The following RAD54L2 variants were observed in gnomAD, a reference collection of about 807,000 sequenced individuals.
The protein encoded by RAD54L2 is RAD54 like 2.
RAD54L2 carries 27 observed loss-of-function variants against 138.4 expected under a neutral mutation model. That is an observed-to-expected ratio of 0.20 (90% CI 0.14 to 0.27). The LOEUF (loss-of-function observed/expected upper bound fraction) is 0.27, where lower values mean the gene tolerates loss of function less well. Among genes scored for constraint, RAD54L2 ranks in the 10% least tolerant of loss-of-function variants. The probability of loss-of-function intolerance (pLI) is 1.00; values close to 1 mark genes in which losing one functional copy is unlikely to be tolerated. For synonymous variants in RAD54L2, 644 were observed against 723.2 expected, an observed-to-expected ratio of 0.89 and a Z score of 1.76; for missense variants, 1,396 against 1,890.2, an observed-to-expected ratio of 0.74 and a Z score of 4.85.
intron 2 of RAD54L2, among the ~76,000 whole-genome samples, chr3:51,570,126 C>A (rs574956102): frequency 2.7e-4 from 41 of 151,120 alleles, no homozygotes; most frequent in African/African-American, 9.0e-4. Context: ...AGCCACTGTG[C>A]CCAGCCTTTT....
At chr3:51,626,704 C>G (rs180920130) in intron 3 of RAD54L2, among the ~76,000 whole-genome samples, 1 of 152,076 alleles carries the variant, frequency 6.6e-6, no homozygotes, top group Admixed American at 6.6e-5. Context: ...CTCAGCCTAT[C>G]AAAGAGTTGG....
At chr3:51,588,731 A>G (rs892184406) in intron 2 of RAD54L2, among the ~76,000 whole-genome samples, 2 of 152,106 alleles carry the variant, frequency 1.3e-5, no homozygotes, top group Admixed American at 6.6e-5. Flanking sequence ...TAGTAAAGTG[A>G]TAAGAGAGAC....
In RAD54L2 at chr3:51,588,185, C is replaced by CAA. The variant is rs987919898; in HGVS notation, c.-54-2156_-54-2155dup. On this transcript the variant is annotated intron_variant, in intron 2 of 22. Coordinates refer to ENST00000684192, the MANE Select transcript of RAD54L2 (RefSeq NM_015106.4). ...TGGGTGACAGAGTGAGACTCCATCT[C>CAA]AAAAAAAAAAAAAAAAAAAAAAAAA... Among the ~76,000 whole-genome samples the CAA allele has an allele frequency of 3.6e-3, 46 of 12,700 alleles. 2 individuals carry two copies. The highest frequency in any genetic ancestry group is 5.4e-3 in the African/African-American group (18 of 3,356). The allele number at this position is 12,700 out of a possible 152,430, so 8.3% of individuals were successfully genotyped here. A position where few individuals can be genotyped will look rare whatever the true frequency, so the allele number is the denominator to read the frequency against.
At chr3:51,610,346 G>A (rs1700299492) in intron 3 of RAD54L2, among the ~76,000 whole-genome samples, 1 of 152,112 alleles carries the variant, frequency 6.6e-6, no homozygotes, top group South Asian at 2.1e-4. Flanking sequence ...GCTCACGCCT[G>A]TAATCCCAGC....
intron 3 of RAD54L2, among the ~76,000 whole-genome samples, chr3:51,598,151 G>GTGTGTATATATATA (rs1700010054): frequency 8.0e-6 from 1 of 125,364 alleles, no homozygotes; most frequent in African/African-American, 2.9e-5. Flanking sequence ...ATATATATAT[G>GTGTGTATATATATA]TGTGTGTGTG....
chr3:51,613,843 G>T (rs947040328), intron 3 of RAD54L2, among the ~76,000 whole-genome samples: 1 of 151,896 alleles, frequency 6.6e-6, no homozygotes, highest in Non-Finnish European at 1.5e-5. Context: ...CGTTAATTCT[G>T]CTAAAGCAGT....
rs539867876 is a variant in RAD54L2, at chr3:51,612,185, C to A, written c.140-15368C>A. Among the ~76,000 whole-genome samples the A allele has an allele frequency of 8.0e-4, 122 of 152,252 alleles. 3 individuals are homozygous for A. The South Asian group carries it at 0.024, about 31-fold the overall frequency. ...AGTACTTTTAAAAATCAGCTCAAGGCCGGGTACAGTGGCTCATGCCTGTAA... is the reference window on the plus strand; with the variant it reads ...AGTACTTTTAAAAATCAGCTCAAGGACGGGTACAGTGGCTCATGCCTGTAA... On this transcript the variant is annotated intron_variant, in intron 3 of 22. Coordinates refer to ENST00000684192, the MANE Select transcript of RAD54L2 (RefSeq NM_015106.4).
At chr3:51,639,347 T>C in intron 12 of RAD54L2, 72 bp from the exon 13 acceptor site, 1 of 1,546,668 alleles carries the variant, frequency 6.5e-7, no homozygotes, top group South Asian at 1.2e-5. Flanking sequence ...CAAGTATGTG[T>C]TTCCAGACTC....
intron 3 of RAD54L2, among the ~76,000 whole-genome samples, chr3:51,612,460 TCAAAACAAAA>T (rs951779723): frequency 6.6e-6 from 1 of 152,112 alleles, no homozygotes. Context: ...AGACTCTGTC[TCAAAACAAAA>T]CAAAACAAAA....
chr3:51,652,871 A>G (rs143736942), intron 19 of RAD54L2, among the ~76,000 whole-genome samples: 4 of 152,362 alleles, frequency 2.6e-5, no homozygotes, highest in South Asian at 2.1e-4. Context: ...AGGCATGGGC[A>G]AGGACTTCAT....
intron 2 of RAD54L2, among the ~76,000 whole-genome samples, chr3:51,559,485 C>T (rs1699051315): frequency 6.6e-6 from 1 of 152,186 alleles, no homozygotes; most frequent in African/African-American, 2.4e-5. Flanking sequence ...TGATTCATCC[C>T]ACTGCCTCAC....
chr3:51,569,120 A>G (rs1699280537), intron 2 of RAD54L2, among the ~76,000 whole-genome samples: 1 of 152,208 alleles, frequency 6.6e-6, no homozygotes, highest in African/African-American at 2.4e-5. Context: ...ACAGATTGCT[A>G]CATTTCAAGC....
chr3:51,584,741 A>G (rs759166917), intron 2 of RAD54L2, among the ~76,000 whole-genome samples: 38 of 149,976 alleles, frequency 2.5e-4, no homozygotes, highest in African/African-American at 8.8e-4. Flanking sequence ...TTCCTTGTCT[A>G]TTTTTTTTAA....
At position 51,561,315 on chromosome 3, in the gene RAD54L2, G is replaced by A. The variant is rs370089163; in HGVS notation, c.-55+19665G>A. Among the ~76,000 whole-genome samples, 31 of 152,192 alleles carry A rather than the reference G, an allele frequency of 2.0e-4. 1 individual carries two copies. The highest frequency in any genetic ancestry group is 1.7e-3 in the East Asian group (9 of 5,176). ...GGCTGGAGTGCAGAAATGTGATCTCGGTTCATTGCAACCTCCACCTCCTGG... is the reference window on the plus strand; with the variant it reads ...GGCTGGAGTGCAGAAATGTGATCTCAGTTCATTGCAACCTCCACCTCCTGG... On this transcript the variant is annotated intron_variant, in intron 2 of 22. Coordinates refer to ENST00000684192, the MANE Select transcript of RAD54L2 (RefSeq NM_015106.4).
chr3:51,662,494 G>A lies in RAD54L2; in HGVS notation c.3478G>A (p.Asp1160Asn), dbSNP rs139423620. 1.2e-5 allele frequency: 19 copies of A among 1,605,418 alleles called. No homozygotes were observed. Among genetic ancestry groups the A allele is most frequent in the Middle Eastern group, 3.3e-4 (2 of 6,008 alleles). ...CAGTGCCTCATCACCCAAAGCCCCCGACCCTGAGGGGCTGGCCAGGCCCGT... is the reference window on the plus strand; with the variant it reads ...CAGTGCCTCATCACCCAAAGCCCCCAACCCTGAGGGGCTGGCCAGGCCCGT... ...RHSASSPKAPDPEGLARPVSP... is the reference protein window; with the variant it reads ...RHSASSPKAPNPEGLARPVSP... The change falls in exon 23 of 23, where the codon GAC becomes AAC. Residue 1160 changes from aspartate to asparagine, a missense_variant. Transcript: ENST00000684192. The surrounding 1 kb of genome is among the most constrained non-coding windows in gnomAD (Gnocchi z 4.6).
At position 51,633,156 on chromosome 3, in the gene RAD54L2, G is replaced by A. The variant is rs572340866; in HGVS notation, c.826-421G>A. On this transcript the variant is annotated intron_variant, in intron 7 of 22. Coordinates refer to ENST00000684192, the MANE Select transcript of RAD54L2 (RefSeq NM_015106.4). Reference sequence around the variant, plus strand: ...AATCGCTTGAACCCGGGAGGCAGAGGTTGCAGTGAGTTGAGATAGCACCAC... The same window carrying A: ...AATCGCTTGAACCCGGGAGGCAGAGATTGCAGTGAGTTGAGATAGCACCAC... Among the ~76,000 whole-genome samples, 8 of 152,220 alleles carry A rather than the reference G, an allele frequency of 5.3e-5. No homozygotes were observed. In the South Asian group the frequency reaches 1.2e-3, roughly 24 times the overall value.
chr3:51,567,475 A>G (rs1699243386), intron 2 of RAD54L2, among the ~76,000 whole-genome samples: 1 of 152,118 alleles, frequency 6.6e-6, no homozygotes, highest in Non-Finnish European at 1.5e-5. Context: ...TTTTGCAGAT[A>G]ATAATTTTAC....
chr3:51,548,129 G>A (rs930583885), intron 2 of RAD54L2, among the ~76,000 whole-genome samples: 6 of 151,776 alleles, frequency 4.0e-5, no homozygotes, highest in Non-Finnish European at 1.5e-5. Flanking sequence ...CCTGACCTCA[G>A]GTGATCTGCA....
chr3:51,622,979 T>C (rs973165827), intron 3 of RAD54L2, among the ~76,000 whole-genome samples: 1 of 152,266 alleles, frequency 6.6e-6, no homozygotes, highest in African/African-American at 2.4e-5. Flanking sequence ...TGGTGTTTTT[T>C]CCTCAAGTGT....
Sources: gnomAD v4.1 joint callset for allele counts (sites outside exome capture counted in the v4.1 genomes callset) on GRCh38, gnomAD v4.1.1 for gene constraint, Gnocchi (gnomAD v3.1) non-coding constraint, MANE v1.5 for transcripts, NCBI Gene and HGNC (gene_info 2026-07-23, HGNC 2026-07-21) for gene names.